MSANTD3: variants seen among roughly 807,000 people sequenced by gnomAD.
The protein encoded by MSANTD3 is myb/SANT-like DNA-binding domain-containing protein 3.
MSANTD3 carries 11 observed loss-of-function variants against 27.7 expected under a neutral mutation model. The observed-to-expected ratio is 0.40, with a 90% confidence interval of 0.25 to 0.66. The LOEUF (loss-of-function observed/expected upper bound fraction) is 0.66, where lower values mean the gene tolerates loss of function less well. Among genes scored for constraint, MSANTD3 ranks in the 30% least tolerant of loss-of-function variants. The pLI, the probability that MSANTD3 is intolerant of heterozygous loss-of-function variation, is 0.41. For synonymous variants in MSANTD3, 131 were observed against 127.2 expected (o/e 1.03, Z -0.20); for missense variants, 250 against 336.5 (o/e 0.74, Z 2.01).
chr9:100,439,023 A>C (rs920192441), intron 1 of MSANTD3, among the ~76,000 whole-genome samples: 3 of 152,180 alleles, frequency 2.0e-5, no homozygotes, highest in African/African-American at 7.2e-5. Context: ...CGAACCTCCC[A>C]GTGTCTGATA....
At chr9:100,433,136 A>C (rs771089263) in intron 1 of MSANTD3, among the ~76,000 whole-genome samples, 6 of 152,202 alleles carry the variant, frequency 3.9e-5, no homozygotes, top group Non-Finnish European at 5.9e-5. Flanking sequence ...GAGGGGTTGG[A>C]AAGCAAATGA....
chr9:100,450,460 C>A, intron 2 of MSANTD3, 97 bp from the exon 3 acceptor site: 1 of 1,125,702 alleles, frequency 8.9e-7, no homozygotes, highest in Non-Finnish European at 1.2e-6. Context: ...TAGATACATC[C>A]TGTAATGAAG....
intron 1 of MSANTD3, among the ~76,000 whole-genome samples, chr9:100,432,543 TA>T (rs1171210519): frequency 6.6e-6 from 1 of 152,168 alleles, no homozygotes; most frequent in Admixed American, 6.5e-5. Context: ...AATAATCAGT[TA>T]AAAAATGCAA....
At position 100,451,257 on chromosome 9, in the gene MSANTD3, T is replaced by G. The variant is rs75609407; in HGVS notation, c.*291T>G. 1.9e-5 allele frequency: 4 copies of G among 208,044 alleles called. No homozygotes were observed. Among genetic ancestry groups the G allele is most frequent in the African/African-American group, 7.5e-5 (3 of 40,014 alleles). 12.9% of individuals were successfully genotyped at this position (208,044 alleles called of 1,614,324 possible). Reference sequence around the variant, plus strand: ...CCACGTGTGAGTGTTGTTGTTGTTGTTTTTTTTTTTAATCAAATGCAAGTG... The same window carrying G: ...CCACGTGTGAGTGTTGTTGTTGTTGGTTTTTTTTTTAATCAAATGCAAGTG... On this transcript the variant is annotated 3_prime_UTR_variant, in exon 3 of 3. Coordinates refer to ENST00000395067, the MANE Select transcript of MSANTD3 (RefSeq NM_080655.3).
Position 100,450,648 on chromosome 9 carries a change from C to T in MSANTD3, c.510C>T (p.Pro170=). 6.2e-7 allele frequency: 1 copy of T among 1,614,042 alleles called. No individual in the cohort carries two copies. Among genetic ancestry groups the T allele is most frequent in the South Asian group, 1.1e-5 (1 of 91,054 alleles). The stretch of plus-strand genomic sequence containing the variant: ...GTGAGGGGACCTCTCAACCTGAACC[C>T]TCGTGTTCAGCTGTCAGAATAACAG... ...PVCEGTSQPE[P]SCSAVRITAN... is the part of the protein sequence containing the mutation. The change falls in exon 3 of 3, where the codon CCC becomes CCT. Residue 170 remains proline (P), a synonymous_variant. Coordinates refer to ENST00000395067, the MANE Select transcript of MSANTD3 (RefSeq NM_080655.3).
At chr9:100,448,930 T>A (rs1214034147) in intron 2 of MSANTD3, 25 of 985,140 alleles carry the variant, frequency 2.5e-5, no homozygotes, top group Non-Finnish European at 2.9e-5. Context: ...TTACTTTACC[T>A]CTTGGAGTGG....
At chr9:100,449,344 C>T (rs1836828763) in intron 2 of MSANTD3, among the ~76,000 whole-genome samples, 4 of 152,166 alleles carry the variant, frequency 2.6e-5, no homozygotes, top group Admixed American at 1.3e-4. Context: ...ATTTACTAGG[C>T]ATCCATTGTG....
intron 2 of MSANTD3, among the ~76,000 whole-genome samples, chr9:100,447,599 T>G (rs1000652341): frequency 6.6e-6 from 1 of 152,220 alleles, no homozygotes; most frequent in Non-Finnish European, 1.5e-5. Context: ...AGTGATCAGC[T>G]GAGCAAGTGG....
chr9:100,432,493 C>A (rs751822431), intron 1 of MSANTD3, among the ~76,000 whole-genome samples: 18 of 152,074 alleles, frequency 1.2e-4, no homozygotes, highest in Non-Finnish European at 2.1e-4. Flanking sequence ...ATGATAAATC[C>A]TTTGTAAGAG....
chr9:100,429,707 G>GTTTT, intron 1 of MSANTD3: 1 of 148,134 alleles, frequency 6.8e-6, no homozygotes. Context: ...TTTTGTTTTT[G>GTTTT]TTTTTTTTTT....
intron 2 of MSANTD3, chr9:100,448,925 T>C: frequency 1.0e-6 from 1 of 985,176 alleles, no homozygotes; most frequent in Non-Finnish European, 1.2e-6. Context: ...GATTGTTACT[T>C]TACCTCTTGG....
chr9:100,440,590 ATTTTT>A (rs71370998), intron 1 of MSANTD3, among the ~76,000 whole-genome samples: 1 of 135,284 alleles, frequency 7.4e-6, no homozygotes. Context: ...AAAACGTCAA[ATTTTT>A]TTTTTTTTTT....
intron 2 of MSANTD3, chr9:100,445,126 A>C: frequency 7.9e-7 from 1 of 1,264,322 alleles, no homozygotes. Flanking sequence ...CTTTCTATAC[A>C]GTAAAACAAC....
At position 100,432,260 on chromosome 9, in the gene MSANTD3, G is replaced by A. The variant is rs552111762; in HGVS notation, c.-34+4867G>A. Reference sequence around the variant, plus strand: ...GGCTTGACTGGAAAGCTCTCGAAAAGGAAAGAAAGAAGGTAGAGAGGCAGA... The same window carrying A: ...GGCTTGACTGGAAAGCTCTCGAAAAAGAAAGAAAGAAGGTAGAGAGGCAGA... On this transcript the variant is annotated intron_variant, in intron 1 of 2. Transcript: ENST00000395067. 7.6e-4 allele frequency among the ~76,000 whole-genome samples: 115 copies of A among 152,270 alleles called. 1 individual carries two copies. In the South Asian group the frequency reaches 0.022, roughly 29 times the overall value.
rs1019192026 is a variant in MSANTD3 at position 100,427,187 on chromosome 9, G to A, written c.-240G>A. On this transcript the variant is annotated 5_prime_UTR_variant, in exon 1 of 3. Coordinates refer to ENST00000395067, the MANE Select transcript of MSANTD3 (RefSeq NM_080655.3). ...CGGCAGGCGGCGGGCGGTCCGCGAG[G>A]GGGCGGCGGCGTCCGGGCTTTGTGG... 1.1e-4 allele frequency: 16 copies of A among 146,438 alleles called. No individual in the cohort carries two copies. The highest frequency in any genetic ancestry group is 3.7e-4 in the African/African-American group (15 of 40,806). 9.1% of individuals were successfully genotyped at this position (146,438 alleles called of 1,614,324 possible). A position where few individuals can be genotyped will look rare whatever the true frequency, so the allele number is the denominator to read the frequency against.
Position 100,451,135 on chromosome 9 carries a change from T to C in MSANTD3, c.*169T>C. 3 of 601,082 alleles carry C rather than the reference T, an allele frequency of 5.0e-6. No homozygotes were observed. In the East Asian group the frequency reaches 8.7e-5, roughly 17 times the overall value. 37.2% of individuals were successfully genotyped at this position (601,082 alleles called of 1,614,324 possible). On this transcript the variant is annotated 3_prime_UTR_variant, in exon 3 of 3. Coordinates refer to ENST00000395067, the MANE Select transcript of MSANTD3 (RefSeq NM_080655.3). The stretch of plus-strand genomic sequence containing the variant: ...TAAACAGCTGCACCCTCTGTACCCC[T>C]TAAGTGGCAAAGAAGCTGTTATAGT...
At chr9:100,437,288 C>G (rs144259559) in intron 1 of MSANTD3, among the ~76,000 whole-genome samples, 4 of 152,148 alleles carry the variant, frequency 2.6e-5, no homozygotes, top group Admixed American at 2.6e-4. Context: ...TTGCCCTACC[C>G]TGGGCCCTTT....
At chr9:100,432,079 G>A (rs1470739168) in intron 1 of MSANTD3, among the ~76,000 whole-genome samples, 3 of 152,060 alleles carry the variant, frequency 2.0e-5, no homozygotes, top group African/African-American at 4.8e-5. Context: ...GGAAAGTGGG[G>A]GAGACCTGGC....
rs1587797720 is a variant in MSANTD3, at chr9:100,451,177, CTA to C, written c.*213_*214del. 1.0e-5 allele frequency: 5 copies of C among 501,304 alleles called. No homozygotes were observed. The highest frequency in any genetic ancestry group is 1.7e-5 in the Non-Finnish European group (5 of 288,390). The allele number at this position is 501,304 out of a possible 1,614,324, so 31.1% of individuals were successfully genotyped here. ...TGTTATAGTCTTCTGAAAATTATCA[CTA>C]TGAGTGCTATAATTCTGAATATAAT... is the stretch of plus-strand genomic sequence containing the variant. On this transcript the variant is annotated 3_prime_UTR_variant, in exon 3 of 3. Transcript: ENST00000395067.
Sources: gnomAD v4.1 joint callset for allele counts (sites outside exome capture counted in the v4.1 genomes callset) on GRCh38, gnomAD v4.1.1 for gene constraint, MANE v1.5 for transcripts, NCBI Gene and HGNC (gene_info 2026-07-23, HGNC 2026-07-21) for gene names.